COL24A1: variants seen among roughly 807,000 people sequenced by gnomAD.
COL24A1 encodes the protein collagen alpha-1(XXIV) chain.
Under a neutral mutation model 253.9 loss-of-function variants are expected in COL24A1, and 224 were observed. The ratio of observed to expected loss-of-function variants is 0.88; its 90% CI spans 0.79 to 0.99. COL24A1 has a LOEUF of 0.99. COL24A1 is among the 50% of genes least tolerant of loss of function. The probability of loss-of-function intolerance (pLI) is 0.00; values close to 1 mark genes in which losing one functional copy is unlikely to be tolerated. For synonymous variants in COL24A1, 685 were observed against 673.7 expected, an observed-to-expected ratio of 1.02 and a Z score of -0.26; for missense variants, 2,131 against 2,068.5, an observed-to-expected ratio of 1.03 and a Z score of -0.59.
chr1:86,056,993 T>A (rs1001099128), intron 10 of COL24A1, among the ~76,000 whole-genome samples: 1 of 152,218 alleles, frequency 6.6e-6, no homozygotes, highest in Admixed American at 6.5e-5. Flanking sequence ...TTTTATTTTA[T>A]ACACTACATA....
intron 24 of COL24A1, among the ~76,000 whole-genome samples, chr1:85,937,213 C>T (rs1688320424): frequency 6.8e-6 from 1 of 147,480 alleles, no homozygotes; most frequent in South Asian, 2.4e-4. Flanking sequence ...ACAGCTTCAC[C>T]CAGAAGTGCC....
chr1:85,951,587 T>C (rs573669730), intron 24 of COL24A1, among the ~76,000 whole-genome samples: 356 of 152,300 alleles, frequency 2.3e-3, no homozygotes, highest in Non-Finnish European at 4.2e-3. Flanking sequence ...GAATATATTG[T>C]GGGTGATCTT....
At chr1:85,963,262 A>C (rs1232687301) in intron 23 of COL24A1, among the ~76,000 whole-genome samples, 1 of 152,160 alleles carries the variant, frequency 6.6e-6, no homozygotes, top group Non-Finnish European at 1.5e-5. Context: ...AATGAAGCAC[A>C]GCAGTAGGTT....
chr1:85,871,734 A>T (rs1680522558), intron 35 of COL24A1, among the ~76,000 whole-genome samples: 1 of 152,192 alleles, frequency 6.6e-6, no homozygotes, highest in Admixed American at 6.5e-5. Context: ...ACCCACAGCC[A>T]ATATCATACT....
chr1:86,026,400 C>T (rs1459097249), intron 14 of COL24A1, among the ~76,000 whole-genome samples: 1 of 152,156 alleles, frequency 6.6e-6, no homozygotes, highest in Non-Finnish European at 1.5e-5. Flanking sequence ...ACCAGGTGGA[C>T]ATAATCAGAT....
chr1:85,888,146 CT>C (rs1682726737), intron 32 of COL24A1, among the ~76,000 whole-genome samples: 1 of 151,924 alleles, frequency 6.6e-6, no homozygotes, highest in East Asian at 1.9e-4. Flanking sequence ...GTTTTATCTC[CT>C]TTTGAATTAG....
intron 42 of COL24A1, among the ~76,000 whole-genome samples, chr1:85,839,582 T>G (rs1372180364): frequency 6.6e-6 from 1 of 151,524 alleles, no homozygotes; most frequent in Non-Finnish European, 1.5e-5. Context: ...AAATAATAAA[T>G]AAAAATTAGC....
At chr1:85,814,346 T>G (rs1309401753) in intron 47 of COL24A1, among the ~76,000 whole-genome samples, 2 of 152,164 alleles carry the variant, frequency 1.3e-5, no homozygotes, top group Admixed American at 1.3e-4. Context: ...AGGTTTAGAG[T>G]GGCATTGAAC....
At chr1:86,021,737 A>T (rs1027625694) in intron 18 of COL24A1, among the ~76,000 whole-genome samples, 2 of 151,850 alleles carry the variant, frequency 1.3e-5, no homozygotes, top group African/African-American at 4.8e-5. Flanking sequence ...TAGATTTATA[A>T]TTTTTTGAGT....
At chr1:85,832,837 G>A (rs1675489476) in intron 43 of COL24A1, among the ~76,000 whole-genome samples, 1 of 150,502 alleles carries the variant, frequency 6.6e-6, no homozygotes, top group Non-Finnish European at 1.5e-5. Flanking sequence ...CCGAGACAAT[G>A]GGGTTTTCTA....
At chr1:85,824,857 G>A (rs1355051093) in intron 43 of COL24A1, among the ~76,000 whole-genome samples, 2 of 151,728 alleles carry the variant, frequency 1.3e-5, no homozygotes, top group Non-Finnish European at 2.9e-5. Flanking sequence ...CCCATCTCCT[G>A]GGCTAGAAGA....
intron 7 of COL24A1, among the ~76,000 whole-genome samples, 169 bp downstream of exon 7, chr1:86,089,005 A>T (rs570253607): frequency 5.3e-5 from 8 of 152,260 alleles, no homozygotes; most frequent in Admixed American, 2.0e-4. Context: ...GAGAAAAGGA[A>T]TTTTAAAACA....
intron 31 of COL24A1, among the ~76,000 whole-genome samples, chr1:85,891,207 C>T (rs533464176): frequency 2.7e-5 from 4 of 149,652 alleles, no homozygotes; most frequent in South Asian, 4.3e-4. Flanking sequence ...CCCGCCACCA[C>T]GCCCGGCTAA....
At chr1:85,915,380 C>T (rs1174936764) in intron 24 of COL24A1, among the ~76,000 whole-genome samples, 2 of 152,224 alleles carry the variant, frequency 1.3e-5, no homozygotes, top group Admixed American at 6.5e-5. Context: ...CCTTTGAACT[C>T]GGACTGGAAC....
chr1:85,942,735 G>T (rs1480352029), intron 24 of COL24A1, among the ~76,000 whole-genome samples: 1 of 152,138 alleles, frequency 6.6e-6, no homozygotes, highest in Non-Finnish European at 1.5e-5. Flanking sequence ...CCTGGAGAAG[G>T]GATTAGTGTG....
chr1:85,873,564 C>T (rs891535293), intron 35 of COL24A1, among the ~76,000 whole-genome samples: 2 of 152,184 alleles, frequency 1.3e-5, no homozygotes, highest in African/African-American at 2.4e-5. Context: ...TGGAAACCAT[C>T]ATTCTCAGCA....
At chr1:85,901,086 C>T (rs187944599) in intron 28 of COL24A1, among the ~76,000 whole-genome samples, 1 of 152,162 alleles carries the variant, frequency 6.6e-6, no homozygotes, top group Non-Finnish European at 1.5e-5. Context: ...AGCTTCCATA[C>T]AACATAAGAA....
chr1:86,148,051 T>C (rs1652155483), intron 1 of COL24A1, among the ~76,000 whole-genome samples: 1 of 152,344 alleles, frequency 6.6e-6, no homozygotes, highest in African/African-American at 2.4e-5. Context: ...GCTACTGATC[T>C]GGGACTACAT....
intron 25 of COL24A1, among the ~76,000 whole-genome samples, 190 bp from the exon 26 acceptor site, chr1:85,910,193 G>T (rs1685230979): frequency 6.6e-6 from 1 of 151,750 alleles, no homozygotes; most frequent in African/African-American, 2.4e-5. Flanking sequence ...TAATAAAATA[G>T]AATTATCTTA....
Sources: allele counts gnomAD v4.1 joint callset (sites outside exome capture counted in the v4.1 genomes callset), GRCh38; gene constraint gnomAD v4.1.1; transcripts MANE v1.5; gene names NCBI Gene and HGNC (gene_info 2026-07-23, HGNC 2026-07-21).